The following ANKS1B variants were observed in gnomAD, a reference collection of about 807,000 sequenced individuals.
ANKS1B encodes ankyrin repeat and sterile alpha motif domain-containing protein 1B.
Under a neutral mutation model 148.3 loss-of-function variants are expected in ANKS1B, and 36 were observed. The ratio of observed to expected loss-of-function variants is 0.24; its 90% CI spans 0.19 to 0.32. ANKS1B has a LOEUF of 0.32. Ranked by LOEUF, ANKS1B falls within the 10% of genes least tolerant of loss-of-function variation. The pLI is 1.00. For missense variants in ANKS1B, 1,157 were observed against 1,542.6 expected (o/e 0.75, Z 4.19); for synonymous variants, 542 against 560.8 (o/e 0.97, Z 0.47).
intron 17 of ANKS1B, among the ~76,000 whole-genome samples, chr12:98,904,617 T>C (rs903312444): frequency 2.0e-5 from 3 of 152,174 alleles, no homozygotes; most frequent in Admixed American, 6.5e-5. Flanking sequence ...TCTCTCCTCC[T>C]GCCAGTGCCC....
At chr12:99,428,831 A>C (rs2152741905) in intron 11 of ANKS1B, among the ~76,000 whole-genome samples, 1 of 152,334 alleles carries the variant, frequency 6.6e-6, no homozygotes, top group South Asian at 2.1e-4. Flanking sequence ...AGCTGATTCC[A>C]CATCTAGGAC....
chr12:99,734,476 T>C (rs1197004780), intron 8 of ANKS1B, among the ~76,000 whole-genome samples: 1 of 152,124 alleles, frequency 6.6e-6, no homozygotes, highest in Non-Finnish European at 1.5e-5. Context: ...GTATTTTTAG[T>C]AGAAATGGGG....
chr12:99,895,593 T>C (rs951410096), intron 1 of ANKS1B, among the ~76,000 whole-genome samples: 2 of 150,934 alleles, frequency 1.3e-5, no homozygotes, highest in African/African-American at 4.8e-5. Flanking sequence ...CTAAATCAAA[T>C]AAATAATTCA....
chr12:99,669,079 CAT>C (rs2098524033), intron 8 of ANKS1B, among the ~76,000 whole-genome samples: 1 of 152,146 alleles, frequency 6.6e-6, no homozygotes, highest in African/African-American at 2.4e-5. Flanking sequence ...TTTATTCTCT[CAT>C]ATACAAATTC....
At chr12:99,532,711 T>C (rs1268025503) in intron 9 of ANKS1B, among the ~76,000 whole-genome samples, 2 of 152,198 alleles carry the variant, frequency 1.3e-5, no homozygotes, top group East Asian at 1.9e-4. Flanking sequence ...TGGTGAGAGA[T>C]AGGAATCCAG....
At chr12:98,807,738 A>C (rs2099061905) in intron 20 of ANKS1B, 106 bp downstream of exon 20, 3 of 830,402 alleles carry the variant, frequency 3.6e-6, no homozygotes, top group Non-Finnish European at 5.5e-6. Flanking sequence ...AGACATTACA[A>C]ATTTTCTGCA....
intron 10 of ANKS1B, among the ~76,000 whole-genome samples, chr12:99,453,277 G>T (rs1028605978): frequency 1.3e-5 from 2 of 151,890 alleles, no homozygotes. Flanking sequence ...GTGACAGAGC[G>T]AGAGTCCGTC....
intron 9 of ANKS1B, among the ~76,000 whole-genome samples, chr12:99,584,822 T>C (rs1053478892): frequency 1.3e-4 from 20 of 152,180 alleles, no homozygotes; most frequent in South Asian, 6.2e-4. Context: ...GTGAGACTTA[T>C]TCACTATCAT....
chr12:99,190,675 C>A (rs1396275027), intron 14 of ANKS1B, among the ~76,000 whole-genome samples: 1 of 152,114 alleles, frequency 6.6e-6, no homozygotes, highest in Non-Finnish European at 1.5e-5. Flanking sequence ...CTTCCTTACA[C>A]CTTATACAAA....
intron 9 of ANKS1B, among the ~76,000 whole-genome samples, chr12:99,576,989 T>C (rs2097525669): frequency 6.6e-6 from 1 of 151,864 alleles, no homozygotes; most frequent in South Asian, 2.1e-4. Flanking sequence ...AAACCTACAT[T>C]AAGAAGTTAA....
At chr12:99,741,206 A>AGCACACAC (rs1555580360) in intron 8 of ANKS1B, among the ~76,000 whole-genome samples, 1 of 135,338 alleles carries the variant, frequency 7.4e-6, no homozygotes. Flanking sequence ...GGCTCCGTCA[A>AGCACACAC]ACACACACAC....
chr12:98,818,744 A>G (rs1022680420), intron 19 of ANKS1B, among the ~76,000 whole-genome samples: 1 of 152,212 alleles, frequency 6.6e-6, no homozygotes, highest in Non-Finnish European at 1.5e-5. Flanking sequence ...AATATACATT[A>G]TATTCCTTTC....
At chr12:99,954,075 A>T (rs1430596321) in intron 1 of ANKS1B, among the ~76,000 whole-genome samples, 1 of 152,216 alleles carries the variant, frequency 6.6e-6, no homozygotes, top group Non-Finnish European at 1.5e-5. Context: ...ATGGATTTAG[A>T]AACAGCAAAA....
intron 15 of ANKS1B, among the ~76,000 whole-genome samples, chr12:99,118,420 C>A (rs572020252): frequency 6.6e-6 from 1 of 152,144 alleles, no homozygotes; most frequent in African/African-American, 2.4e-5. Context: ...CATATGAGAA[C>A]ATTTTGATGC....
chr12:99,165,741 A>G (rs2077127882), intron 14 of ANKS1B, among the ~76,000 whole-genome samples: 1 of 151,936 alleles, frequency 6.6e-6, no homozygotes, highest in Non-Finnish European at 1.5e-5. Flanking sequence ...ACTCTTCCAG[A>G]AAGTTGAGGA....
At chr12:99,661,114 G>T (rs2098475456) in intron 8 of ANKS1B, among the ~76,000 whole-genome samples, 1 of 151,950 alleles carries the variant, frequency 6.6e-6, no homozygotes, top group South Asian at 2.1e-4. Context: ...TTTTACTGGG[G>T]GTCTGAAGGA....
At chr12:99,282,169 G>A (rs1367610344) in intron 12 of ANKS1B, among the ~76,000 whole-genome samples, 1 of 152,218 alleles carries the variant, frequency 6.6e-6, no homozygotes, top group Admixed American at 6.5e-5. Flanking sequence ...CCATGTTTGA[G>A]TAGAGAACTG....
chr12:99,229,807 A>C (rs750976060), intron 14 of ANKS1B, among the ~76,000 whole-genome samples: 8 of 152,012 alleles, frequency 5.3e-5, no homozygotes, highest in Non-Finnish European at 8.8e-5. Context: ...ATTATATGTA[A>C]ACCATACAAT....
chr12:99,049,305 C>G (rs186293636), intron 17 of ANKS1B, among the ~76,000 whole-genome samples: 3 of 151,724 alleles, frequency 2.0e-5, no homozygotes, highest in South Asian at 4.2e-4. Flanking sequence ...TATGTACACA[C>G]GCACACACAC....
Sources: allele counts gnomAD v4.1 joint callset (sites outside exome capture counted in the v4.1 genomes callset), GRCh38; gene constraint gnomAD v4.1.1; transcripts MANE v1.5; gene names NCBI Gene and HGNC (gene_info 2026-07-23, HGNC 2026-07-21).